Variants in MRPS28 observed in about 807,000 individuals in gnomAD.
MRPS28 encodes the protein mitochondrial ribosomal protein S28.
MRPS28 carries 7 observed loss-of-function variants against 10.8 expected under a neutral mutation model. That is an observed-to-expected ratio of 0.65 (90% CI 0.37 to 1.22). MRPS28 has a LOEUF of 1.22. Among genes scored for constraint, MRPS28 ranks in the 50% most tolerant of loss-of-function variants. The pLI is 0.02. For synonymous variants in MRPS28, 121 were observed against 93.3 expected (o/e 1.30, Z -1.71); for missense variants, 265 against 232.9 (o/e 1.14, Z -0.90).
At chr8:79,922,786 C>T (rs1810129644) in intron 2 of MRPS28, among the ~76,000 whole-genome samples, 1 of 151,976 alleles carries the variant, frequency 6.6e-6, no homozygotes, top group South Asian at 2.1e-4. Context: ...AGTGGAAGTA[C>T]TGCTGGTTAA....
intron 2 of MRPS28, among the ~76,000 whole-genome samples, chr8:79,921,316 A>G (rs113837622): frequency 6.6e-6 from 1 of 151,804 alleles, no homozygotes; most frequent in Non-Finnish European, 1.5e-5. Flanking sequence ...GTTTTTTCCA[A>G]TTCTGTGAAG....
rs564973685 is a variant in MRPS28 at position 79,983,079 on chromosome 8, T to G, written c.395+19920A>C. The stretch of plus-strand genomic sequence containing the variant: ...CAGGTACTCCTCTGAGACAAAACTT[T>G]CAGAGGAACGATCAGACAGCAGCAT... On this transcript the variant is annotated intron_variant, in intron 2 of 2. Transcript: ENST00000276585. Among the ~76,000 whole-genome samples, 11 of 151,354 alleles carry G rather than the reference T, an allele frequency of 7.3e-5. No homozygotes were observed. The South Asian group carries it at 1.1e-3, about 15-fold the overall frequency.
chr8:80,029,842 C>G, intron 1 of MRPS28, 194 bp downstream of exon 1: 1 of 1,534,546 alleles, frequency 6.5e-7, no homozygotes, highest in Non-Finnish European at 8.7e-7. Flanking sequence ...CACAAAAGGA[C>G]AACGAAAGGA....
chr8:79,999,024 T>C (rs1808584497), intron 2 of MRPS28, among the ~76,000 whole-genome samples: 2 of 152,074 alleles, frequency 1.3e-5, no homozygotes, highest in African/African-American at 2.4e-5. Flanking sequence ...TACACAAAAG[T>C]CTGTATGAAG....
At chr8:80,020,312 G>A (rs933193389) in intron 1 of MRPS28, among the ~76,000 whole-genome samples, 11 of 152,188 alleles carry the variant, frequency 7.2e-5, no homozygotes, top group Middle Eastern at 6.8e-3. Context: ...AAAGGAGGGA[G>A]GTATAATGAG....
intron 2 of MRPS28, among the ~76,000 whole-genome samples, chr8:79,989,717 T>C (rs1348125839): frequency 1.3e-5 from 2 of 152,202 alleles, no homozygotes; most frequent in African/African-American, 4.8e-5. Flanking sequence ...TTGTTTTGTT[T>C]TGTTTTGTTT....
intron 2 of MRPS28, among the ~76,000 whole-genome samples, chr8:79,975,758 T>G (rs758095500): frequency 6.6e-6 from 1 of 152,174 alleles, no homozygotes; most frequent in South Asian, 2.1e-4. Context: ...CTTTGGAAAT[T>G]TGAGAATGTG....
intron 1 of MRPS28, among the ~76,000 whole-genome samples, chr8:80,016,854 G>A (rs1487832851): frequency 1.3e-5 from 2 of 152,110 alleles, no homozygotes; most frequent in Non-Finnish European, 2.9e-5. Context: ...CATTACAGTT[G>A]GAGACTTTAA....
chr8:79,974,465 C>T (rs531218958), intron 2 of MRPS28, among the ~76,000 whole-genome samples: 4 of 151,516 alleles, frequency 2.6e-5, no homozygotes, highest in Admixed American at 2.0e-4. Context: ...GGCGTGAACC[C>T]GAGAGGCAGA....
chr8:80,006,143 C>T (rs1006213340), intron 1 of MRPS28, among the ~76,000 whole-genome samples: 1 of 152,234 alleles, frequency 6.6e-6, no homozygotes, highest in African/African-American at 2.4e-5. Context: ...ATCTAACAGA[C>T]ATCTACAGAA....
chr8:79,952,174 A>T (rs1295882333), intron 2 of MRPS28, among the ~76,000 whole-genome samples: 3 of 152,212 alleles, frequency 2.0e-5, no homozygotes, highest in Admixed American at 6.5e-5. Context: ...AAATCAAATC[A>T]TTTAAAAACC....
intron 2 of MRPS28, among the ~76,000 whole-genome samples, chr8:79,927,912 G>A (rs1445658262): frequency 1.3e-5 from 2 of 152,174 alleles, no homozygotes; most frequent in South Asian, 4.1e-4. Context: ...AATCCAGAGT[G>A]CTTTAAATAG....
At chr8:80,011,017 T>G (rs1426318620) in intron 1 of MRPS28, among the ~76,000 whole-genome samples, 1 of 152,222 alleles carries the variant, frequency 6.6e-6, no homozygotes, top group Non-Finnish European at 1.5e-5. Flanking sequence ...AGTTCTTTCT[T>G]GCAGAGCCAG....
At chr8:80,004,603 C>T (rs1586090355) in intron 1 of MRPS28, among the ~76,000 whole-genome samples, 1 of 152,348 alleles carries the variant, frequency 6.6e-6, no homozygotes, top group African/African-American at 2.4e-5. Context: ...AGGAATGCAG[C>T]TCCTTGCCAG....
At chr8:80,016,962 A>T (rs1809213362) in intron 1 of MRPS28, among the ~76,000 whole-genome samples, 1 of 152,212 alleles carries the variant, frequency 6.6e-6, no homozygotes, top group South Asian at 2.1e-4. Context: ...TATGATGGAC[A>T]TCTGTAGACA....
At chr8:79,938,686 A>G (rs1327037767) in intron 2 of MRPS28, among the ~76,000 whole-genome samples, 1 of 152,164 alleles carries the variant, frequency 6.6e-6, no homozygotes, top group Non-Finnish European at 1.5e-5. Flanking sequence ...GCCAAACCAA[A>G]TGTTCCACAG....
chr8:79,928,324 C>T (rs776945837), intron 2 of MRPS28, among the ~76,000 whole-genome samples: 1 of 151,870 alleles, frequency 6.6e-6, no homozygotes, highest in Non-Finnish European at 1.5e-5. Context: ...GAGTGAGCAC[C>T]TGTCTAAAAT....
chr8:79,959,337 T>G (rs976366142), intron 2 of MRPS28, among the ~76,000 whole-genome samples: 11 of 152,000 alleles, frequency 7.2e-5, no homozygotes, highest in Admixed American at 2.0e-4. Context: ...AAAAAAAAAT[T>G]CAAATTGTTA....
intron 1 of MRPS28, among the ~76,000 whole-genome samples, chr8:80,010,525 G>C (rs554905504): frequency 6.6e-6 from 1 of 152,316 alleles, no homozygotes; most frequent in East Asian, 1.9e-4. Flanking sequence ...ACACTACTCA[G>C]CTCCAGCTGC....
Sources: allele counts gnomAD v4.1 joint callset (sites outside exome capture counted in the v4.1 genomes callset), GRCh38; gene constraint gnomAD v4.1.1; transcripts MANE v1.5; gene names NCBI Gene and HGNC (gene_info 2026-07-23, HGNC 2026-07-21).